Variants in SCAF8 observed in about 807,000 individuals in gnomAD.
SCAF8 encodes the protein SR-related CTD associated factor 8, also known as SR-related and CTD-associated factor 8.
Under a neutral mutation model 140.5 loss-of-function variants are expected in SCAF8, and 23 were observed. That is an observed-to-expected ratio of 0.16 (90% CI 0.12 to 0.23). SCAF8 has a LOEUF of 0.23. SCAF8 is among the 10% of genes least tolerant of loss of function. The pLI, the probability that SCAF8 is intolerant of heterozygous loss-of-function variation, is 1.00. For missense variants in SCAF8, 1,397 were observed against 1,555.7 expected, an observed-to-expected ratio of 0.90 and a Z score of 1.72; for synonymous variants, 575 against 528.9, an observed-to-expected ratio of 1.09 and a Z score of -1.20.
At chr6:154,794,805 G>A (rs1468458964) in intron 5 of SCAF8, among the ~76,000 whole-genome samples, 1 of 85,432 alleles carries the variant, frequency 1.2e-5, no homozygotes, top group Non-Finnish European at 2.4e-5. Context: ...GTGTGTGTGT[G>A]TGTGTGTGTG....
intron 3 of SCAF8, among the ~76,000 whole-genome samples, chr6:154,783,006 A>G (rs908585787): frequency 2.0e-5 from 3 of 152,190 alleles, no homozygotes; most frequent in Admixed American, 6.5e-5. Context: ...ATTAACCATC[A>G]TAGATCCCTA....
intron 7 of SCAF8, 71 bp downstream of exon 7, chr6:154,802,218 C>A (rs1777793020): frequency 1.1e-6 from 1 of 923,976 alleles, no homozygotes; most frequent in Non-Finnish European, 1.5e-6. Flanking sequence ...GATTTTAATT[C>A]TATAAATAAA....
At chr6:154,760,538 TCAC>T (rs775763546) in intron 1 of SCAF8, among the ~76,000 whole-genome samples, 35 of 152,164 alleles carry the variant, frequency 2.3e-4, no homozygotes, top group Non-Finnish European at 4.7e-4. Flanking sequence ...CGCACACTCT[TCAC>T]CACATTATTG....
chr6:154,809,884 C>T (rs755884900), intron 11 of SCAF8, 131 bp from the exon 12 acceptor site: 1 of 791,256 alleles, frequency 1.3e-6, no homozygotes, highest in South Asian at 1.7e-5. Context: ...GATTTTACTT[C>T]AGAATATTTT....
intron 1 of SCAF8, among the ~76,000 whole-genome samples, chr6:154,762,053 G>A (rs1776417853): frequency 6.6e-6 from 1 of 152,122 alleles, no homozygotes; most frequent in African/African-American, 2.4e-5. Context: ...TTAATAAAAA[G>A]TTTCACAAAA....
chr6:154,763,388 A>G (rs1314543651), intron 1 of SCAF8, among the ~76,000 whole-genome samples: 1 of 152,184 alleles, frequency 6.6e-6, no homozygotes, highest in Non-Finnish European at 1.5e-5. Flanking sequence ...CATTGTTAAG[A>G]AAGATGGACT....
At chr6:154,734,046 G>C in intron 1 of SCAF8, 116 bp downstream of exon 1, 3 of 1,392,718 alleles carry the variant, frequency 2.2e-6, no homozygotes, top group Non-Finnish European at 9.3e-7. Context: ...GGGGTGAGCG[G>C]TGGCCTAGCA....
intron 1 of SCAF8, among the ~76,000 whole-genome samples, chr6:154,772,610 AC>A (rs1187027347): frequency 6.6e-6 from 1 of 151,976 alleles, no homozygotes; most frequent in Admixed American, 6.6e-5. Flanking sequence ...TATCGTTTGA[AC>A]CCAGGAGGTA....
intron 4 of SCAF8, among the ~76,000 whole-genome samples, chr6:154,790,325 T>C (rs915636249): frequency 5.3e-5 from 8 of 152,164 alleles, no homozygotes; most frequent in African/African-American, 1.9e-4. Flanking sequence ...AAGCAGTCTC[T>C]AATTTTCTTG....
intron 1 of SCAF8, among the ~76,000 whole-genome samples, chr6:154,772,603 C>T (rs964345735): frequency 7.9e-5 from 12 of 152,006 alleles, no homozygotes; most frequent in African/African-American, 2.4e-4. Context: ...GTGGGAGTAT[C>T]GTTTGAACCC....
chr6:154,783,527 T>C (rs994633190), intron 3 of SCAF8, among the ~76,000 whole-genome samples: 4 of 152,188 alleles, frequency 2.6e-5, no homozygotes, highest in African/African-American at 9.6e-5. Flanking sequence ...GAAATGTGGC[T>C]TATTTGTGGT....
chr6:154,829,342 A>G (rs149595402), intron 18 of SCAF8, among the ~76,000 whole-genome samples: 24 of 152,174 alleles, frequency 1.6e-4, no homozygotes, highest in African/African-American at 5.8e-4. Flanking sequence ...GTAATGCAAC[A>G]GTAAATATAG....
intron 7 of SCAF8, among the ~76,000 whole-genome samples, chr6:154,802,831 G>A (rs1777808703): frequency 6.6e-6 from 1 of 152,014 alleles, no homozygotes; most frequent in African/African-American, 2.4e-5. Context: ...TAATCAATAT[G>A]TAAAATGTTT....
intron 1 of SCAF8, among the ~76,000 whole-genome samples, chr6:154,765,185 A>G (rs1054182209): frequency 1.3e-5 from 2 of 152,190 alleles, no homozygotes; most frequent in African/African-American, 2.4e-5. Flanking sequence ...AAAATTCTCA[A>G]CAAATGGTCT....
intron 3 of SCAF8, among the ~76,000 whole-genome samples, chr6:154,782,524 G>C (rs1777114760): frequency 6.6e-6 from 1 of 152,132 alleles, no homozygotes; most frequent in East Asian, 1.9e-4. Flanking sequence ...TTTAGAACTT[G>C]TTATGATCCT....
intron 12 of SCAF8, among the ~76,000 whole-genome samples, chr6:154,812,714 A>G (rs1331572685): frequency 6.6e-6 from 1 of 152,208 alleles, no homozygotes; most frequent in Non-Finnish European, 1.5e-5. Context: ...GCACCAGTGA[A>G]TAATAACATT....
chr6:154,824,158 G>A, intron 16 of SCAF8, 76 bp from the exon 17 acceptor site: 1 of 1,426,664 alleles, frequency 7.0e-7, no homozygotes, highest in East Asian at 2.3e-5. Flanking sequence ...AAGAGAAATA[G>A]AATAATTTGC....
chr6:154,744,584 G>C (rs1401217066), intron 1 of SCAF8, among the ~76,000 whole-genome samples: 1 of 152,130 alleles, frequency 6.6e-6, no homozygotes, highest in Non-Finnish European at 1.5e-5. Context: ...TTTTTCCAAG[G>C]AAATGCAGTT....
At chr6:154,831,703 TAAAAAAAAAAA>T (rs58013583) in intron 19 of SCAF8, among the ~76,000 whole-genome samples, 1,324 of 48,030 alleles carry the variant, frequency 0.028, 20 homozygotes, top group Admixed American at 0.11. Context: ...CTCCTGTTCT[TAAAAAAAAAAA>T]AAAAAAAAAA....
Sources: allele counts gnomAD v4.1 joint callset (sites outside exome capture counted in the v4.1 genomes callset), GRCh38; gene constraint gnomAD v4.1.1; transcripts MANE v1.5; gene names NCBI Gene and HGNC (gene_info 2026-07-23, HGNC 2026-07-21).